Variants in NRG2 observed in about 807,000 individuals in gnomAD.
NRG2 encodes the protein pro-neuregulin-2, membrane-bound isoform.
NRG2 carries 27 observed loss-of-function variants against 73.9 expected under a neutral mutation model. The observed-to-expected ratio is 0.37, with a 90% CI of 0.27 to 0.50. NRG2 has a LOEUF of 0.50. NRG2 is among the 20% of genes least tolerant of loss of function. The pLI is 0.96. For synonymous variants in NRG2, 532 were observed against 541.0 expected, an observed-to-expected ratio of 0.98 and a Z score of 0.23; for missense variants, 1,126 against 1,210.1, an observed-to-expected ratio of 0.93 and a Z score of 1.03.
At chr5:139,858,569 T>C (rs1761950802) in intron 5 of NRG2, among the ~76,000 whole-genome samples, 1 of 152,170 alleles carries the variant, frequency 6.6e-6, no homozygotes, top group South Asian at 2.1e-4. Flanking sequence ...TCCATAGATG[T>C]TTGTTGCATT....
rs1751220426 is a variant in NRG2 at position 139,915,931 on chromosome 5, G to A, written c.701-28420C>T. Reference sequence around the variant, plus strand: ...GACATGTAGGAAGTCATGGAGATAAGGCTAAAAAGACTGGGTGGGAACCAG... The same window carrying A: ...GACATGTAGGAAGTCATGGAGATAAAGCTAAAAAGACTGGGTGGGAACCAG... On this transcript the variant is annotated intron_variant, in intron 1 of 9. Coordinates refer to ENST00000361474, the MANE Select transcript of NRG2 (RefSeq NM_004883.3). This position sits in a 1 kb window ranked among gnomAD's most constrained non-coding sequence, Gnocchi z 4.0. 6.6e-6 allele frequency among the ~76,000 whole-genome samples: 1 copy of A among 152,150 alleles called. No homozygotes were observed.
chr5:139,865,155 G>T lies in NRG2; in HGVS notation c.1189+394C>A. Reference sequence around the variant, plus strand: ...TTGCGAACTGCTGACACCTGTCCCCGGTGTATCCCACAGGACACCTACCAA... The same window carrying T: ...TTGCGAACTGCTGACACCTGTCCCCTGTGTATCCCACAGGACACCTACCAA... On this transcript the variant is annotated intron_variant, in intron 5 of 9. Coordinates refer to ENST00000361474, the MANE Select transcript of NRG2 (RefSeq NM_004883.3). The surrounding 1 kb of genome is among the most constrained non-coding windows in gnomAD (Gnocchi z 5.2). 6.2e-7 allele frequency: 1 copy of T among 1,613,718 alleles called. No homozygotes were observed. Among genetic ancestry groups the T allele is most frequent in the Non-Finnish European group, 8.5e-7 (1 of 1,179,704 alleles).
chr5:139,939,677 T>G (rs1753240182), intron 1 of NRG2, among the ~76,000 whole-genome samples: 2 of 152,104 alleles, frequency 1.3e-5, no homozygotes, highest in South Asian at 2.1e-4. Context: ...TTTATGAAAA[T>G]GAAAAGGCAA....
intron 1 of NRG2, among the ~76,000 whole-genome samples, chr5:139,928,660 G>A (rs62383900): frequency 0.022 from 3,346 of 152,214 alleles, 43 homozygotes; most frequent in Non-Finnish European, 0.034. Flanking sequence ...TTTCCTGATG[G>A]TCAACTCTGT....
At position 139,856,226 on chromosome 5, in the gene NRG2, T is replaced by C. The variant is rs73791207; in HGVS notation, c.1190-448A>G. On this transcript the variant is annotated intron_variant, in intron 5 of 9. Transcript: ENST00000361474. This position sits in a 1 kb window ranked among gnomAD's most constrained non-coding sequence, Gnocchi z 4.2. ...GAGTTGTTCTTCCTGGCAGTGATCA[T>C]GGGAATGCCTTTGTTTACCCCTGCA... is the stretch of plus-strand genomic sequence containing the variant. 0.031 allele frequency: 5,692 copies of C among 182,238 alleles called. 361 individuals are homozygous for C. The highest frequency in any genetic ancestry group is 0.12 in the African/African-American group (5,335 of 43,516). 11.3% of individuals were successfully genotyped at this position (182,238 alleles called of 1,614,324 possible).
chr5:139,891,262 G>A (rs1307996550), intron 1 of NRG2, among the ~76,000 whole-genome samples: 1 of 152,198 alleles, frequency 6.6e-6, no homozygotes, highest in Non-Finnish European at 1.5e-5. Flanking sequence ...GGGCTAGGGG[G>A]ATGTGTTGCA....
chr5:140,014,191 A>T (rs1025525711), intron 1 of NRG2, among the ~76,000 whole-genome samples: 4 of 152,002 alleles, frequency 2.6e-5, no homozygotes, highest in Non-Finnish European at 5.9e-5. Flanking sequence ...TCCCATCTCA[A>T]TGGCGATATC....
At chr5:139,901,971 C>A (rs914444410) in intron 1 of NRG2, among the ~76,000 whole-genome samples, 2 of 152,242 alleles carry the variant, frequency 1.3e-5, no homozygotes, top group Admixed American at 1.3e-4. Context: ...GGTATGCAGG[C>A]TTACGCTCTG....
chr5:139,850,795 CTTG>C (rs1464971199), intron 9 of NRG2, among the ~76,000 whole-genome samples: 1 of 152,302 alleles, frequency 6.6e-6, no homozygotes, highest in East Asian at 1.9e-4. Context: ...ACCCTGGGGT[CTTG>C]TTGCTGCTAC....
chr5:139,855,416 C>G (rs758497220), intron 6 of NRG2, among the ~76,000 whole-genome samples: 2 of 152,240 alleles, frequency 1.3e-5, no homozygotes, highest in Non-Finnish European at 2.9e-5. Flanking sequence ...AACCCAGATT[C>G]GTCTTCTTCC....
At chr5:139,862,559 A>G (rs756920843) in intron 5 of NRG2, among the ~76,000 whole-genome samples, 1 of 152,262 alleles carries the variant, frequency 6.6e-6, no homozygotes, top group Non-Finnish European at 1.5e-5. Flanking sequence ...GGCTGTGCTT[A>G]CCAGACAATA....
intron 1 of NRG2, among the ~76,000 whole-genome samples, chr5:140,015,602 C>T (rs1408321560): frequency 6.6e-6 from 1 of 152,162 alleles, no homozygotes; most frequent in South Asian, 2.1e-4. Context: ...CTAGGGTCCA[C>T]GTCTAAGTAT....
intron 3 of NRG2, among the ~76,000 whole-genome samples, chr5:139,876,729 C>T (rs941313999): frequency 1.3e-5 from 2 of 152,122 alleles, no homozygotes; most frequent in African/African-American, 2.4e-5. Context: ...CTTTATCCAT[C>T]GAGGCCCCTT....
chr5:139,943,989 C>T lies in NRG2; in HGVS notation c.701-56478G>A, dbSNP rs1209390929. Among the ~76,000 whole-genome samples, 4 of 152,120 alleles carry T rather than the reference C, an allele frequency of 2.6e-5. No individual in the cohort carries two copies. The East Asian group carries it at 7.7e-4, about 29-fold the overall frequency. ...TTTGAATTTCATACAATTTTCACAT[C>T]ACAAATATTATTCTTTGTACTGAAT... On this transcript the variant is annotated intron_variant, in intron 1 of 9. Transcript: ENST00000361474.
At chr5:139,960,452 C>G (rs1033529213) in intron 1 of NRG2, among the ~76,000 whole-genome samples, 16 of 152,118 alleles carry the variant, frequency 1.1e-4, no homozygotes, top group African/African-American at 3.9e-4. Context: ...GAGGTGGAGG[C>G]TGCAGTGAGC....
chr5:140,033,679 T>C (rs545667759), intron 1 of NRG2, among the ~76,000 whole-genome samples: 1 of 152,320 alleles, frequency 6.6e-6, no homozygotes, highest in African/African-American at 2.4e-5. Context: ...AATGGGAATA[T>C]CTGGGTGAAA....
At chr5:140,009,711 C>T (rs1233983688) in intron 1 of NRG2, among the ~76,000 whole-genome samples, 1 of 152,106 alleles carries the variant, frequency 6.6e-6, no homozygotes, top group Non-Finnish European at 1.5e-5. Flanking sequence ...ACCAAGATGT[C>T]CTTCAGTAGG....
chr5:139,975,686 T>C (rs1338270725), intron 1 of NRG2, among the ~76,000 whole-genome samples: 2 of 152,282 alleles, frequency 1.3e-5, no homozygotes, highest in South Asian at 2.1e-4. Flanking sequence ...GCTGAGACTG[T>C]CTTGCCAAGG....
At chr5:139,934,556 A>G (rs943480485) in intron 1 of NRG2, among the ~76,000 whole-genome samples, 8 of 152,202 alleles carry the variant, frequency 5.3e-5, no homozygotes, top group Admixed American at 3.3e-4. Context: ...CACGAAAAAG[A>G]AAAAAACAAA....
Sources: allele counts gnomAD v4.1 joint callset (sites outside exome capture counted in the v4.1 genomes callset), GRCh38; gene constraint gnomAD v4.1.1; non-coding constraint Gnocchi (gnomAD v3.1); transcripts MANE v1.5; gene names NCBI Gene and HGNC (gene_info 2026-07-23, HGNC 2026-07-21).